The following KHDC4 variants were observed in gnomAD, a reference collection of about 807,000 sequenced individuals.
The protein encoded by KHDC4 is KH domain containing 4, pre-mRNA splicing factor.
In KHDC4, 19 loss-of-function variants were observed where a neutral mutation model predicts 74.5. That is an observed-to-expected ratio of 0.26 (90% CI 0.18 to 0.37). KHDC4 has a LOEUF of 0.37. KHDC4 is among the 10% of genes least tolerant of loss of function. KHDC4 has a pLI of 1.00. For synonymous variants in KHDC4, 253 were observed against 266.1 expected (o/e 0.95, Z 0.48); for missense variants, 632 against 754.1 (o/e 0.84, Z 1.90).
intron 6 of KHDC4, 139 bp from the exon 7 acceptor site, chr1:155,925,982 C>A (rs1161742888): frequency 1.2e-6 from 1 of 801,798 alleles, no homozygotes; most frequent in Non-Finnish European, 2.2e-6. Flanking sequence ...ACAGTCAGCC[C>A]TGTGATACTC....
chr1:155,932,288 TGA>T (rs1253258613), intron 2 of KHDC4: 1 of 152,160 alleles, frequency 6.6e-6, no homozygotes, highest in Non-Finnish European at 1.5e-5. Flanking sequence ...ACTACAGGTG[TGA>T]GTCACCACAC....
chr1:155,926,605 C>G lies in KHDC4; in HGVS notation c.681+71G>C. The G allele has an allele frequency of 5.9e-6, 9 of 1,522,370 alleles. 1 individual carries two copies. Among genetic ancestry groups the G allele is most frequent in the Non-Finnish European group, 7.3e-6 (8 of 1,097,922 alleles). The allele number at this position is 1,522,370 out of a possible 1,614,324, so 94.3% of individuals were successfully genotyped here. On this transcript the variant is annotated intron_variant, in intron 6 of 13. Transcript: ENST00000368321. ...GTGCTGGGATTACAGGAATGAGCCA[C>G]TGTGCCTGGCCAGCACATATCATTT...
chr1:155,917,737 G>T, intron 10 of KHDC4, 65 bp from the exon 11 acceptor site: 1 of 1,248,914 alleles, frequency 8.0e-7, no homozygotes, highest in East Asian at 2.6e-5. Flanking sequence ...AGTAAACAAT[G>T]ATTACAATAT....
Position 155,917,671 on chromosome 1 carries a change from C to T in KHDC4, c.1268G>A (p.Ser423Asn). 1 of 1,527,364 alleles carries T rather than the reference C, an allele frequency of 6.5e-7. No homozygotes were observed. Among genetic ancestry groups the T allele is most frequent in the Non-Finnish European group, 8.7e-7 (1 of 1,143,468 alleles). The allele number at this position is 1,527,364 out of a possible 1,614,324, so 94.6% of individuals were successfully genotyped here. ...AGGAATAAAAGGACCACCCATCGGACTCTGGGACCAAAACAAACCAAGGAA... is the reference window on the plus strand; with the variant it reads ...AGGAATAAAAGGACCACCCATCGGATTCTGGGACCAAAACAAACCAAGGAA... Reference protein sequence around the residue: ...QVQPPASTGQSPMGGPFIPAA... With the variant: ...QVQPPASTGQNPMGGPFIPAA... The change falls in exon 11 of 14, where the codon AGT becomes AAT. Residue 423 changes from serine to asparagine, a missense_variant and splice_region_variant. Physicochemically the swap from Ser to Asn is conservative, Grantham distance 46. Transcript: ENST00000368321.
intron 1 of KHDC4, 47 bp downstream of exon 1, chr1:155,934,289 C>A (rs996954890): frequency 1.3e-6 from 2 of 1,596,742 alleles, no homozygotes; most frequent in Non-Finnish European, 8.5e-7. Context: ...CTCCGCCTCT[C>A]CTGCGCCCCA....
intron 10 of KHDC4, chr1:155,919,946 T>C (rs771996523): frequency 7.7e-6 from 4 of 516,612 alleles, no homozygotes; most frequent in South Asian, 1.4e-5. Flanking sequence ...AGCCCACAGG[T>C]AAGGGGACTG....
At chr1:155,916,525 T>C (rs1673733856) in intron 12 of KHDC4, 100 bp downstream of exon 12, 1 of 785,060 alleles carries the variant, frequency 1.3e-6, no homozygotes. Flanking sequence ...AGATTTCATT[T>C]CAGTTTCAGA....
At chr1:155,922,145 CTTTTTTTT>C (rs4020748) in intron 8 of KHDC4, 31 of 187,408 alleles carry the variant, frequency 1.7e-4, no homozygotes, top group South Asian at 3.1e-4. Context: ...CACTGCAAAT[CTTTTTTTT>C]TTTTTTTTTT....
At chr1:155,931,830 T>G (rs1185968313) in intron 2 of KHDC4, among the ~76,000 whole-genome samples, 1 of 152,236 alleles carries the variant, frequency 6.6e-6, no homozygotes, top group African/African-American at 2.4e-5. Context: ...CTCAGCAATA[T>G]CACCTTACCT....
At chr1:155,927,793 ACT>A (rs1674037926) in intron 4 of KHDC4, among the ~76,000 whole-genome samples, 1 of 116,844 alleles carries the variant, frequency 8.6e-6, no homozygotes, top group Non-Finnish European at 1.6e-5. Context: ...ACAGAACAAG[ACT>A]CTGTCTCCAA....
At chr1:155,920,084 T>C (rs772767998) in intron 10 of KHDC4, 1 of 432,236 alleles carries the variant, frequency 2.3e-6, no homozygotes, top group Non-Finnish European at 4.6e-6. Context: ...GACCAGTATA[T>C]ATAATCCATC....
At chr1:155,916,333 A>G (rs549299751) in intron 12 of KHDC4, among the ~76,000 whole-genome samples, 4 of 152,312 alleles carry the variant, frequency 2.6e-5, no homozygotes, top group African/African-American at 9.6e-5. Flanking sequence ...ATTATGTAAC[A>G]TTTCTGTTAC....
chr1:155,924,478 G>A (rs1251918841), intron 7 of KHDC4, among the ~76,000 whole-genome samples: 1 of 151,968 alleles, frequency 6.6e-6, no homozygotes, highest in African/African-American at 2.4e-5. Context: ...AAAGTGCTGG[G>A]ATTACAGGCC....
intron 10 of KHDC4, chr1:155,919,945 G>C (rs745458817): frequency 3.1e-5 from 16 of 516,182 alleles, no homozygotes; most frequent in Non-Finnish European, 5.8e-5. Context: ...CAGCCCACAG[G>C]TAAGGGGACT....
At chr1:155,929,228 T>C in intron 4 of KHDC4, 68 bp downstream of exon 4, 1 of 1,092,752 alleles carries the variant, frequency 9.2e-7, no homozygotes, top group South Asian at 1.3e-5. Flanking sequence ...TACCTAAGGA[T>C]AAAAAACATG....
intron 3 of KHDC4, 147 bp downstream of exon 3, chr1:155,929,565 T>G: frequency 9.5e-7 from 1 of 1,049,650 alleles, no homozygotes; most frequent in Admixed American, 2.6e-5. Context: ...TTCCATTATC[T>G]TCCTCTGAAG....
At chr1:155,925,967 G>A (rs1673983028) in intron 6 of KHDC4, 124 bp from the exon 7 acceptor site, 4 of 863,526 alleles carry the variant, frequency 4.6e-6, no homozygotes, top group Non-Finnish European at 7.9e-6. Context: ...AGAGTGTTGG[G>A]TAGTACAGTC....
chr1:155,934,290 C>A, intron 1 of KHDC4, 46 bp downstream of exon 1: 1 of 1,598,046 alleles, frequency 6.3e-7, no homozygotes, highest in Non-Finnish European at 8.5e-7. Context: ...TCCGCCTCTC[C>A]TGCGCCCCAG....
At chr1:155,927,842 A>C (rs1360911603) in intron 4 of KHDC4, among the ~76,000 whole-genome samples, 2 of 18,038 alleles carry the variant, frequency 1.1e-4, no homozygotes, top group African/African-American at 2.0e-4. Context: ...CCACACACAC[A>C]CACACACACA....
Sources: gnomAD v4.1 joint callset for allele counts (sites outside exome capture counted in the v4.1 genomes callset) on GRCh38, gnomAD v4.1.1 for gene constraint, MANE v1.5 for transcripts, NCBI Gene and HGNC (gene_info 2026-07-23, HGNC 2026-07-21) for gene names.